The following CILK1 variants were observed in gnomAD, a reference collection of about 807,000 sequenced individuals.
The protein encoded by CILK1 is ciliogenesis associated kinase 1.
Under a neutral mutation model 79.2 loss-of-function variants are expected in CILK1, and 47 were observed. The ratio of observed to expected loss-of-function variants is 0.59; its 90% CI spans 0.47 to 0.76. The LOEUF (loss-of-function observed/expected upper bound fraction) is 0.76. Ranked by LOEUF, CILK1 falls within the 30% of genes least tolerant of loss-of-function variation. The probability of loss-of-function intolerance (pLI) is 0.00; values close to 1 mark genes in which losing one functional copy is unlikely to be tolerated. For missense variants in CILK1, 660 were observed against 769.5 expected, an observed-to-expected ratio of 0.86 and a Z score of 1.68; for synonymous variants, 266 against 275.9, an observed-to-expected ratio of 0.96 and a Z score of 0.36.
intron 12 of CILK1, among the ~76,000 whole-genome samples, chr6:53,008,778 T>C (rs938812181): frequency 1.3e-5 from 2 of 152,212 alleles, no homozygotes; most frequent in Non-Finnish European, 2.9e-5. Context: ...GGTGTTGCTA[T>C]ATTATCTCTT....
intron 1 of CILK1, among the ~76,000 whole-genome samples, chr6:53,048,304 TC>T (rs1326472096): frequency 6.6e-6 from 1 of 152,208 alleles, no homozygotes; most frequent in Non-Finnish European, 1.5e-5. Flanking sequence ...TGATAATTGT[TC>T]CAAGTGTACA....
intron 1 of CILK1, among the ~76,000 whole-genome samples, chr6:53,048,285 G>A (rs1288172112): frequency 6.6e-6 from 1 of 152,186 alleles, no homozygotes. Context: ...AAGGAGACTT[G>A]GAAAGCCATG....
chr6:53,030,676 C>T (rs1360434571), intron 5 of CILK1, among the ~76,000 whole-genome samples: 1 of 152,108 alleles, frequency 6.6e-6, no homozygotes, highest in Non-Finnish European at 1.5e-5. Flanking sequence ...TCGCTTGAAA[C>T]AAGTTGAAAT....
Position 53,031,047 on chromosome 6 carries a change from A to G in CILK1, c.358+18T>C, listed in dbSNP as rs1363754703. Reference sequence around the variant, plus strand: ...CATTTCACTGCTCTTCAAAAGCACAACACTCCGAATCACCTACCGTGTTTG... The same window carrying G: ...CATTTCACTGCTCTTCAAAAGCACAGCACTCCGAATCACCTACCGTGTTTG... On this transcript the variant is annotated intron_variant, in intron 5 of 13. Transcript: ENST00000676107. 2 of 1,532,850 alleles carry G rather than the reference A, an allele frequency of 1.3e-6. No homozygotes were observed. The highest frequency in any genetic ancestry group is 1.8e-6 in the Non-Finnish European group (2 of 1,106,234). The allele number at this position is 1,532,850 out of a possible 1,614,324, so 95.0% of individuals were successfully genotyped here.
intron 1 of CILK1, among the ~76,000 whole-genome samples, chr6:53,045,722 C>G (rs1767027142): frequency 6.7e-6 from 1 of 150,362 alleles, no homozygotes. Flanking sequence ...GTGTATGAAT[C>G]CTCCATCATT....
chr6:53,061,432 A>C (rs541573642), intron 1 of CILK1, among the ~76,000 whole-genome samples, 164 bp downstream of exon 1: 37 of 152,332 alleles, frequency 2.4e-4, no homozygotes, highest in African/African-American at 8.9e-4. Flanking sequence ...CAGGAAGGAG[A>C]GATCCACAGG....
At chr6:53,026,354 G>T (rs561435054) in intron 5 of CILK1, among the ~76,000 whole-genome samples, 40 of 152,208 alleles carry the variant, frequency 2.6e-4, no homozygotes, top group Admixed American at 1.4e-3. Context: ...TCGCCATGTT[G>T]GTCAGGCTGG....
At chr6:53,034,904 A>G (rs1766206506) in intron 3 of CILK1, among the ~76,000 whole-genome samples, 1 of 151,970 alleles carries the variant, frequency 6.6e-6, no homozygotes, top group South Asian at 2.1e-4. Flanking sequence ...GCTGGGAGGG[A>G]GCGGGCATGT....
At chr6:53,057,175 T>C (rs1368696475) in intron 1 of CILK1, among the ~76,000 whole-genome samples, 2 of 152,184 alleles carry the variant, frequency 1.3e-5, no homozygotes. Context: ...CATTATACAA[T>C]AGTACTTTCC....
rs1014248224 is a variant in CILK1, at chr6:53,031,800, A to G, written c.279-656T>C. ...GTCCTAGTGATAATGGAAAACTGCA[A>G]TGTCTATTAAGTCTGAGCTTCTTTG... On this transcript the variant is annotated intron_variant, in intron 4 of 13. Coordinates refer to ENST00000676107, the MANE Select transcript of CILK1 (RefSeq NM_014920.5). Among the ~76,000 whole-genome samples, 5 of 152,188 alleles carry G rather than the reference A, an allele frequency of 3.3e-5. No homozygotes were observed. The East Asian group carries it at 7.7e-4, about 24-fold the overall frequency.
In CILK1 at chr6:53,043,041, C is replaced by T. The variant is rs9474373; in HGVS notation, c.-172-1633G>A. Among the ~76,000 whole-genome samples, 114 of 152,192 alleles carry T rather than the reference C, an allele frequency of 7.5e-4. 2 individuals carry two copies. The highest frequency in any genetic ancestry group is 2.6e-3 in the African/African-American group (106 of 41,514). On this transcript the variant is annotated intron_variant, in intron 1 of 13. Coordinates refer to ENST00000676107, the MANE Select transcript of CILK1 (RefSeq NM_014920.5). The stretch of plus-strand genomic sequence containing the variant: ...ATTAAAAATTTAAAAATAGGCCAGG[C>T]GCAGTGGCTCATGACTGTAATCCCA...
Position 53,009,473 on chromosome 6 carries a change from T to C in CILK1, c.1587A>G (p.Ser529=), listed in dbSNP as rs757343151. The C allele has an allele frequency of 1.5e-5, 24 of 1,613,954 alleles. No homozygotes were observed. In the Admixed American group the frequency reaches 3.2e-4, roughly 21 times the overall value. ...CTTTGCTGATTACTGACATTGTCCC[T>C]GAAGATTTTCCAGACAAGCCAGAAC... The part of the protein sequence containing the change: ...WSSSGLSGKS[S]GTMSVISKVN... Residue 529 remains serine (S), a synonymous_variant, in exon 12 of 14, where the codon TCA becomes TCG. Coordinates refer to ENST00000676107, the MANE Select transcript of CILK1 (RefSeq NM_014920.5).
chr6:53,027,526 A>G (rs1464685440), intron 5 of CILK1, among the ~76,000 whole-genome samples: 1 of 152,182 alleles, frequency 6.6e-6, no homozygotes, highest in Non-Finnish European at 1.5e-5. Context: ...GGCAGAATGC[A>G]CCTCCTCACA....
At chr6:53,052,349 G>T (rs1767540350) in intron 1 of CILK1, among the ~76,000 whole-genome samples, 1 of 152,126 alleles carries the variant, frequency 6.6e-6, no homozygotes, top group Admixed American at 6.5e-5. Flanking sequence ...TGAAATCTCT[G>T]AGTATATGAC....
At chr6:53,039,323 G>A (rs1766556837) in intron 2 of CILK1, among the ~76,000 whole-genome samples, 1 of 152,234 alleles carries the variant, frequency 6.6e-6, no homozygotes, top group Non-Finnish European at 1.5e-5. Context: ...AAATGATGCA[G>A]CAATTTGTAG....
At chr6:53,028,961 G>GTATA (rs143617469) in intron 5 of CILK1, among the ~76,000 whole-genome samples, 1 of 151,088 alleles carries the variant, frequency 6.6e-6, no homozygotes, top group African/African-American at 2.4e-5. Context: ...GTGTGTGTGT[G>GTATA]TATATATATA....
Position 53,012,150 on chromosome 6 carries a change from C to T in CILK1, c.1230G>A (p.Arg410=), listed in dbSNP as rs1214528407. The T allele has an allele frequency of 6.2e-7, 1 of 1,614,028 alleles. No individual in the cohort carries two copies. The highest frequency in any genetic ancestry group is 8.5e-7 in the Non-Finnish European group (1 of 1,180,024). Residue 410 remains arginine (R), a synonymous_variant, in exon 10 of 14, where the codon AGG becomes AGA. Coordinates refer to ENST00000676107, the MANE Select transcript of CILK1 (RefSeq NM_014920.5). ...CCCAATCATCTGAATCCTTTGTTGA[C>T]CTGGAAATAAGACCCCACCTTCTCC... ...KSRRRWGLIS[R]STKDSDDWAD...
intron 1 of CILK1, among the ~76,000 whole-genome samples, chr6:53,058,767 A>G (rs1334279454): frequency 6.6e-6 from 1 of 152,238 alleles, no homozygotes; most frequent in East Asian, 1.9e-4. Flanking sequence ...AATTCTCCCA[A>G]GGAACCACCA....
intron 3 of CILK1, among the ~76,000 whole-genome samples, chr6:53,033,565 A>G (rs778916356): frequency 2.6e-5 from 4 of 152,120 alleles, no homozygotes; most frequent in Non-Finnish European, 5.9e-5. Context: ...TGTCTCCTTC[A>G]TGAAAGCCTC....
Sources: gnomAD v4.1 joint callset for allele counts (sites outside exome capture counted in the v4.1 genomes callset) on GRCh38, gnomAD v4.1.1 for gene constraint, MANE v1.5 for transcripts, NCBI Gene and HGNC (gene_info 2026-07-23, HGNC 2026-07-21) for gene names.